CDAN1: variants seen among roughly 807,000 people sequenced by gnomAD.
CDAN1 encodes the protein codanin 1.
In CDAN1, 107 loss-of-function variants were observed where a neutral mutation model predicts 139.8. The ratio of observed to expected loss-of-function variants is 0.77; its 90% CI spans 0.65 to 0.90. The LOEUF (loss-of-function observed/expected upper bound fraction) is 0.90, where lower values mean the gene tolerates loss of function less well. Ranked by LOEUF, CDAN1 falls within the 40% of genes least tolerant of loss-of-function variation. CDAN1 has a pLI of 0.00. For synonymous variants in CDAN1, 776 were observed against 660.6 expected (o/e 1.17, Z -2.68); for missense variants, 1,667 against 1,575.7 (o/e 1.06, Z -0.98).
intron 23 of CDAN1, chr15:42,726,682 T>C (rs898399759): frequency 4.7e-5 from 26 of 551,722 alleles, no homozygotes; most frequent in Admixed American, 4.1e-4. Context: ...GTCACTCAAC[T>C]TGGGACCAAA....
At chr15:42,736,853 T>C (rs911448613) in intron 1 of CDAN1, 73 bp from the exon 2 acceptor site, 132 of 1,454,574 alleles carry the variant, frequency 9.1e-5, no homozygotes, top group Non-Finnish European at 1.2e-4. Flanking sequence ...GCCGGGGCCG[T>C]AGGGCGCGCC....
chr15:42,733,886 T>C (rs979754324), intron 8 of CDAN1, 52 bp downstream of exon 8: 3 of 1,334,766 alleles, frequency 2.2e-6, no homozygotes. Flanking sequence ...AGCTGCCTAT[T>C]CCAGAAAAAT....
chr15:42,730,251 G>T, intron 14 of CDAN1, 36 bp from the exon 15 acceptor site: 1 of 1,582,124 alleles, frequency 6.3e-7, no homozygotes, highest in Non-Finnish European at 8.7e-7. Context: ...GGTTTGAGCA[G>T]AAAGGGGAAG....
Position 42,731,212 on chromosome 15 carries a change from T to G in CDAN1, c.1859A>C (p.Gln620Pro). The G allele has an allele frequency of 1.2e-6, 2 of 1,614,230 alleles. No individual in the cohort carries two copies. The highest frequency in any genetic ancestry group is 1.7e-6 in the Non-Finnish European group (2 of 1,180,048). ...DEDGESDVDW[Q>P]GERKQFAVVL... Reference sequence around the variant, plus strand: ...ATTTCCCTTGTTCTGTTTTCGGACCTGCCAGTCTACGTCTGACTCCCCGTC... The same window carrying G: ...ATTTCCCTTGTTCTGTTTTCGGACCGGCCAGTCTACGTCTGACTCCCCGTC... The change falls in exon 12 of 28, where the codon CAG (glutamine) becomes CCG (proline). Residue 620 changes from glutamine (Q) to proline (P), a missense_variant and splice_region_variant. Transcript: ENST00000356231.
At chr15:42,731,586 T>C in intron 11 of CDAN1, 34 bp downstream of exon 11, 1 of 1,606,976 alleles carries the variant, frequency 6.2e-7, no homozygotes, top group Non-Finnish European at 8.5e-7. Context: ...TCCTGGCCTC[T>C]GCCCCATTCC....
chr15:42,730,144 A>C lies in CDAN1; in HGVS notation c.2246T>G (p.Leu749Arg). The stretch of plus-strand genomic sequence containing the variant: ...TCTGCCCACCTGGAAAAGCCAGCCC[A>C]GGACAGCAAGTAGCAGCAGCTTGTT... ...FLNKLLLLAVLGWLFQIPTVP... is the reference protein window; with the variant it reads ...FLNKLLLLAVRGWLFQIPTVP... The change falls in exon 15 of 28, where the codon CTG (leucine) becomes CGG (arginine). Residue 749 changes from leucine to arginine, a missense_variant. Physicochemically the swap from Leu to Arg is moderately radical, Grantham distance 102. Coordinates refer to ENST00000356231, the MANE Select transcript of CDAN1 (RefSeq NM_138477.4). 1 of 1,614,216 alleles carries C rather than the reference A, an allele frequency of 6.2e-7. No homozygotes were observed. Among genetic ancestry groups the C allele is most frequent in the Non-Finnish European group, 8.5e-7 (1 of 1,180,034 alleles).
Position 42,730,684 on chromosome 15 carries a change from C to T in CDAN1, c.2088G>A (p.Leu696=), listed in dbSNP as rs148759214. The T allele has an allele frequency of 1.7e-4, 275 of 1,613,956 alleles. No homozygotes were observed. Among genetic ancestry groups the T allele is most frequent in the Non-Finnish European group, 3.0e-5 (35 of 1,179,994 alleles). The part of the protein sequence containing the change: ...ARRAVLTVPW[L]VEFLSFADHV... ...GGTCAGCAAAGGAGAGAAACTCCAC[C>T]AGCCAGGGCACGGTGAGCACCGCCC... Residue 696 remains leucine, a synonymous_variant, in exon 14 of 28, where the codon CTG becomes CTA. Transcript: ENST00000356231.
In CDAN1 at chr15:42,724,445, G is replaced by T. The variant is rs769952384; in HGVS notation, c.*46C>A. 23 of 1,561,614 alleles carry T rather than the reference G, an allele frequency of 1.5e-5. No homozygotes were observed. Among genetic ancestry groups the T allele is most frequent in the South Asian group, 2.4e-5 (2 of 84,890 alleles). On this transcript the variant is annotated 3_prime_UTR_variant, in exon 28 of 28. Transcript: ENST00000356231. ...ACTTGGGCCTCCTCGTGAGGCGGGG[G>T]TCCAGGGTTCTGGTGCAATGCCCAA...
chr15:42,734,560 C>T (rs897761952), intron 6 of CDAN1, among the ~76,000 whole-genome samples: 1 of 152,140 alleles, frequency 6.6e-6, no homozygotes, highest in East Asian at 1.9e-4. Context: ...AGGACAGGAA[C>T]ATTACCCAGA....
chr15:42,736,385 G>A lies in CDAN1; in HGVS notation c.486C>T (p.Pro162=), dbSNP rs762174179. The A allele has an allele frequency of 6.2e-7, 1 of 1,612,908 alleles. No individual in the cohort carries two copies. The highest frequency in any genetic ancestry group is 8.5e-7 in the Non-Finnish European group (1 of 1,179,714). The part of the protein sequence containing the change: ...RLRGSGSPSR[P]SLTLSDPPNL... ...TTGGCGGATCAGACAGCGTGAGGCT[G>A]GGGCGGCTGGGGCTGCCAGAGCCCC... Residue 162 remains proline, a synonymous_variant, in exon 2 of 28, where the codon CCC becomes CCT. Coordinates refer to ENST00000356231, the MANE Select transcript of CDAN1 (RefSeq NM_138477.4).
At chr15:42,729,173 TCCCC>T in intron 18 of CDAN1, 47 bp from the exon 19 acceptor site, 1 of 1,595,166 alleles carries the variant, frequency 6.3e-7, no homozygotes, top group Non-Finnish European at 8.6e-7. Context: ...AGCCTCCCTG[TCCCC>T]GCCCCCAACC....
chr15:42,730,017 T>C lies in CDAN1; in HGVS notation c.2262+111A>G, dbSNP rs139574969. The C allele has an allele frequency of 4.1e-5, 49 of 1,207,540 alleles. No homozygotes were observed. The African/African-American group carries it at 6.3e-4, about 15-fold the overall frequency. 74.8% of individuals were successfully genotyped at this position (1,207,540 alleles called of 1,614,324 possible). On this transcript the variant is annotated intron_variant, in intron 15 of 27. Coordinates refer to ENST00000356231, the MANE Select transcript of CDAN1 (RefSeq NM_138477.4). ...CTGAGATGATGGGAATCCCCAGGCCTTTCCTGAACCTTCGTCTTCCAGCCC... is the reference window on the plus strand; with the variant it reads ...CTGAGATGATGGGAATCCCCAGGCCCTTCCTGAACCTTCGTCTTCCAGCCC...
chr15:42,730,447 G>A lies in CDAN1; in HGVS notation c.2174+151C>T, dbSNP rs2061594256. 4.1e-6 allele frequency: 4 copies of A among 967,934 alleles called. No individual in the cohort carries two copies. In the Admixed American group the frequency reaches 7.9e-5, roughly 19 times the overall value. The allele number at this position is 967,934 out of a possible 1,614,324, so 60.0% of individuals were successfully genotyped here. A position where few individuals can be genotyped will look rare whatever the true frequency, so the allele number is the denominator to read the frequency against. On this transcript the variant is annotated intron_variant, in intron 14 of 27. Transcript: ENST00000356231. The stretch of plus-strand genomic sequence containing the variant: ...GCAGATGATTTCCCACTGTACCTCA[G>A]GGGAGCCAATCGTGCCTCTCCCAGG...
chr15:42,730,238 ACGG>A (rs2061590913), intron 14 of CDAN1, 23 bp from the exon 15 acceptor site: 3 of 1,605,890 alleles, frequency 1.9e-6, no homozygotes, highest in Non-Finnish European at 2.6e-6. Context: ...TGGGCAGTAC[ACGG>A]GTTTGAGCAG....
chr15:42,732,329 T>C lies in CDAN1; in HGVS notation c.1533+4A>G. ...GTGGATTAATCTCTTGCTGGGGCTG[T>C]TACCTGGAGTAGTTGTTTTTGGAAA... On this transcript the variant is annotated splice_donor_region_variant and intron_variant, in intron 10 of 27. Coordinates refer to ENST00000356231, the MANE Select transcript of CDAN1 (RefSeq NM_138477.4). 3 of 1,613,820 alleles carry C rather than the reference T, an allele frequency of 1.9e-6. No individual in the cohort carries two copies. The highest frequency in any genetic ancestry group is 2.5e-6 in the Non-Finnish European group (3 of 1,179,704).
At chr15:42,729,426 T>C in intron 17 of CDAN1, 64 bp from the exon 18 acceptor site, 1 of 1,609,176 alleles carries the variant, frequency 6.2e-7, no homozygotes, top group South Asian at 1.1e-5. Flanking sequence ...TATCATGGAC[T>C]TTACTTGTGG....
Position 42,723,553 on chromosome 15 carries a change from A to C in CDAN1, c.*938T>G, listed in dbSNP as rs988226389. The C allele has an allele frequency of 6.6e-6, 1 of 152,156 alleles. No individual in the cohort carries two copies. The highest frequency in any genetic ancestry group is 6.5e-5 in the Admixed American group (1 of 15,276). 9.4% of individuals were successfully genotyped at this position (152,156 alleles called of 1,614,324 possible). A position where few individuals can be genotyped will look rare whatever the true frequency, so the allele number is the denominator to read the frequency against. ...AGACAGGTGACAATGATTAGACATC[A>C]AGCCCTTGTTAAAGAAAACCAGTTT... On this transcript the variant is annotated 3_prime_UTR_variant, in exon 28 of 28. Transcript: ENST00000356231.
At chr15:42,731,891 AAAT>A in intron 10 of CDAN1, 66 bp from the exon 11 acceptor site, 5 of 1,399,988 alleles carry the variant, frequency 3.6e-6, no homozygotes, top group East Asian at 2.3e-5. Flanking sequence ...ACTGAACAAA[AAAT>A]AAGGAGAAAG....
intron 8 of CDAN1, 94 bp from the exon 9 acceptor site, chr15:42,733,280 T>A: frequency 2.3e-6 from 2 of 858,776 alleles, no homozygotes; most frequent in South Asian, 1.5e-5. Flanking sequence ...CCCACCACCT[T>A]TTTTTTTTTT....
Sources: gnomAD v4.1 joint callset for allele counts (sites outside exome capture counted in the v4.1 genomes callset) on GRCh38, gnomAD v4.1.1 for gene constraint, MANE v1.5 for transcripts, NCBI Gene and HGNC (gene_info 2026-07-23, HGNC 2026-07-21) for gene names.